KCNQ3: variants seen among roughly 807,000 people sequenced by gnomAD.
The protein encoded by KCNQ3 is potassium voltage-gated channel subfamily Q member 3, also known as potassium voltage-gated channel subfamily KQT member 3.
KCNQ3 carries 30 observed loss-of-function variants against 92.5 expected under a neutral mutation model. The observed-to-expected ratio is 0.32, with a 90% confidence interval of 0.24 to 0.44. The LOEUF (loss-of-function observed/expected upper bound fraction) is 0.44. Among genes scored for constraint, KCNQ3 ranks in the 20% least tolerant of loss-of-function variants. KCNQ3 has a pLI of 1.00. For missense variants in KCNQ3, 913 were observed against 1,140.3 expected (o/e 0.80, Z 2.87); for synonymous variants, 450 against 468.8 (o/e 0.96, Z 0.52).
At chr8:132,141,398 C>G in intron 9 of KCNQ3, 67 bp from the exon 10 acceptor site, 3 of 1,362,308 alleles carry the variant, frequency 2.2e-6, no homozygotes, top group Admixed American at 3.5e-5. Context: ...TCCCATCCCT[C>G]CATAAAGACT....
chr8:132,236,704 A>C (rs1814827179), intron 1 of KCNQ3, among the ~76,000 whole-genome samples: 2 of 152,188 alleles, frequency 1.3e-5, no homozygotes, highest in African/African-American at 4.8e-5. Flanking sequence ...CTTAGATGGC[A>C]CAGTTGACTT....
intron 1 of KCNQ3, among the ~76,000 whole-genome samples, chr8:132,437,055 G>A (rs1039337593): frequency 2.0e-5 from 3 of 151,668 alleles, no homozygotes; most frequent in Non-Finnish European, 4.4e-5. Context: ...CGAGGCGGGC[G>A]GATCACGAGG....
At chr8:132,339,226 T>C (rs1230550940) in intron 1 of KCNQ3, among the ~76,000 whole-genome samples, 1 of 152,184 alleles carries the variant, frequency 6.6e-6, no homozygotes, top group African/African-American at 2.4e-5. Context: ...CCCTTCCAGA[T>C]AAGAAGCAAT....
At chr8:132,403,382 T>G (rs1251369331) in intron 1 of KCNQ3, among the ~76,000 whole-genome samples, 1 of 152,124 alleles carries the variant, frequency 6.6e-6, no homozygotes, top group Non-Finnish European at 1.5e-5. Context: ...AAGCCTTCTG[T>G]GCACAGACCT....
At chr8:132,166,359 G>A (rs998666509) in intron 8 of KCNQ3, among the ~76,000 whole-genome samples, 15 of 152,124 alleles carry the variant, frequency 9.9e-5, no homozygotes, top group African/African-American at 3.4e-4. Context: ...AAAAAGCAAT[G>A]TCTGATTTTT....
chr8:132,237,325 T>C (rs1563818855), intron 1 of KCNQ3, among the ~76,000 whole-genome samples: 1 of 152,228 alleles, frequency 6.6e-6, no homozygotes, highest in Non-Finnish European at 1.5e-5. Context: ...ACATCTACTC[T>C]GTGTTCCAGG....
At chr8:132,379,244 T>G (rs1490909075) in intron 1 of KCNQ3, among the ~76,000 whole-genome samples, 1 of 152,234 alleles carries the variant, frequency 6.6e-6, no homozygotes, top group Non-Finnish European at 1.5e-5. Flanking sequence ...TCAGGCACAT[T>G]ACATGGATTG....
chr8:132,457,570 CT>C (rs1821971060), intron 1 of KCNQ3, among the ~76,000 whole-genome samples: 1 of 152,168 alleles, frequency 6.6e-6, no homozygotes, highest in Non-Finnish European at 1.5e-5. Flanking sequence ...GCCTTCACCC[CT>C]AACCCAGACT....
chr8:132,241,795 C>T (rs145851731), intron 1 of KCNQ3, among the ~76,000 whole-genome samples: 7,423 of 152,132 alleles, frequency 0.049, 243 homozygotes, highest in African/African-American at 0.09. Context: ...GATGGTGCCA[C>T]TGCACTCCAG....
chr8:132,414,782 C>T (rs781199580), intron 1 of KCNQ3, among the ~76,000 whole-genome samples: 22 of 152,300 alleles, frequency 1.4e-4, no homozygotes, highest in African/African-American at 3.6e-4. Context: ...GTGATAGAAA[C>T]GCATGACCCA....
At chr8:132,135,577 C>T (rs1310132541) in intron 12 of KCNQ3, among the ~76,000 whole-genome samples, 1 of 152,188 alleles carries the variant, frequency 6.6e-6, no homozygotes, top group Non-Finnish European at 1.5e-5. Context: ...GCTAGAAACA[C>T]ATTTGCTTAG....
intron 1 of KCNQ3, among the ~76,000 whole-genome samples, chr8:132,467,881 GA>G (rs1425060101): frequency 6.6e-6 from 1 of 152,188 alleles, no homozygotes; most frequent in African/African-American, 2.4e-5. Flanking sequence ...GGCACGTGGG[GA>G]GGCCAGTGTG....
At chr8:132,176,306 TAGTC>T (rs1563789147) in intron 4 of KCNQ3, among the ~76,000 whole-genome samples, 2 of 152,168 alleles carry the variant, frequency 1.3e-5, no homozygotes, top group African/African-American at 2.4e-5. Flanking sequence ...TGTTAAGTAA[TAGTC>T]AGGATGGTAT....
intron 1 of KCNQ3, among the ~76,000 whole-genome samples, chr8:132,423,426 A>G (rs1212496783): frequency 6.6e-6 from 1 of 152,168 alleles, no homozygotes; most frequent in Non-Finnish European, 1.5e-5. Flanking sequence ...CTGAACATCC[A>G]TCATCTGAAA....
At chr8:132,359,300 T>C (rs1319420417) in intron 1 of KCNQ3, among the ~76,000 whole-genome samples, 1 of 152,226 alleles carries the variant, frequency 6.6e-6, no homozygotes, top group Non-Finnish European at 1.5e-5. Context: ...TGCTGTAGTC[T>C]ACATTTTATA....
Position 132,248,890 on chromosome 8 carries a change from C to T in KCNQ3, c.387-62709G>A, listed in dbSNP as rs374681218. 1.1e-4 allele frequency among the ~76,000 whole-genome samples: 17 copies of T among 152,264 alleles called. No homozygotes were observed. The South Asian group carries it at 2.3e-3, about 20-fold the overall frequency. On this transcript the variant is annotated intron_variant, in intron 1 of 14. Coordinates refer to ENST00000388996, the MANE Select transcript of KCNQ3 (RefSeq NM_004519.4). Reference sequence around the variant, plus strand: ...ATGGCTTATGGCTAGGCCATAATCCCGGGTGTGCTGGTGTGTCCGGAATTG... The same window carrying T: ...ATGGCTTATGGCTAGGCCATAATCCTGGGTGTGCTGGTGTGTCCGGAATTG...
At chr8:132,162,974 G>A (rs1417070588) in intron 9 of KCNQ3, among the ~76,000 whole-genome samples, 3 of 152,110 alleles carry the variant, frequency 2.0e-5, no homozygotes. Flanking sequence ...TGGTTTACTG[G>A]GAAACCTCCA....
intron 1 of KCNQ3, among the ~76,000 whole-genome samples, chr8:132,303,600 T>TATATATATATA (rs1817301410): frequency 4.1e-5 from 1 of 24,300 alleles, no homozygotes; most frequent in African/African-American, 2.0e-4. Flanking sequence ...TATATATATA[T>TATATATATATA]GGTGTGTATA....
intron 1 of KCNQ3, among the ~76,000 whole-genome samples, chr8:132,410,897 C>T (rs1405976245): frequency 6.6e-6 from 1 of 152,180 alleles, no homozygotes; most frequent in Non-Finnish European, 1.5e-5. Flanking sequence ...ATCACCTGTC[C>T]CCTGAGGCCA....
Sources: gnomAD v4.1 joint callset for allele counts (sites outside exome capture counted in the v4.1 genomes callset) on GRCh38, gnomAD v4.1.1 for gene constraint, MANE v1.5 for transcripts, NCBI Gene and HGNC (gene_info 2026-07-23, HGNC 2026-07-21) for gene names.